PRUNE2: variants seen among roughly 807,000 people sequenced by gnomAD.
PRUNE2 encodes protein prune homolog 2.
Under a neutral mutation model 252.0 loss-of-function variants are expected in PRUNE2, and 164 were observed. That is an observed-to-expected ratio of 0.65 (90% CI 0.57 to 0.74). The LOEUF (loss-of-function observed/expected upper bound fraction) is 0.74, where lower values mean the gene tolerates loss of function less well. Among genes scored for constraint, PRUNE2 ranks in the 30% least tolerant of loss-of-function variants. The pLI is 0.00. For missense variants in PRUNE2, 3,495 were observed against 3,711.0 expected (o/e 0.94, Z 1.51); for synonymous variants, 1,292 against 1,350.2 (o/e 0.96, Z 0.94).
chr9:76,710,813 G>A lies in PRUNE2; in HGVS notation c.1461C>T (p.His487=), dbSNP rs746279307. 4.4e-5 allele frequency: 69 copies of A among 1,570,826 alleles called. No individual in the cohort carries two copies. The highest frequency in any genetic ancestry group is 9.8e-5 in the South Asian group (8 of 81,870). Residue 487 remains histidine, a synonymous_variant, in exon 8 of 19, where the codon CAC becomes CAT. Transcript: ENST00000376718. The stretch of plus-strand genomic sequence containing the variant: ...AATTGAAGAGGTCGAAGTGCTCACC[G>A]TGTTCTCCAGACCATGCATGTTCCT... ...VAEEHAWSGE[H]GEHFDLFNFD... is the part of the protein sequence containing the mutation.
chr9:76,831,932 T>A (rs1275188907), intron 4 of PRUNE2, among the ~76,000 whole-genome samples: 1 of 152,054 alleles, frequency 6.6e-6, no homozygotes, highest in Non-Finnish European at 1.5e-5. Flanking sequence ...AACATAAACA[T>A]GCGAACACCA....
intron 1 of PRUNE2, among the ~76,000 whole-genome samples, chr9:76,868,070 C>T (rs183978329): frequency 3.2e-4 from 48 of 152,130 alleles, no homozygotes; most frequent in Non-Finnish European, 6.3e-4. Context: ...TCCTTTTTCC[C>T]GTAGACAGGA....
At chr9:76,846,835 C>A (rs529388889) in intron 3 of PRUNE2, among the ~76,000 whole-genome samples, 157 bp from the exon 4 acceptor site, 1 of 152,278 alleles carries the variant, frequency 6.6e-6, no homozygotes, top group African/African-American at 2.4e-5. Context: ...CCTTATTCTA[C>A]GTATTTTCAC....
intron 6 of PRUNE2, among the ~76,000 whole-genome samples, chr9:76,794,727 G>C (rs546791444): frequency 2.6e-5 from 4 of 151,918 alleles, no homozygotes; most frequent in Admixed American, 1.3e-4. Context: ...GTAGCTGTCC[G>C]ACCTCGAGCA....
At chr9:76,677,369 G>A (rs974321952) in intron 9 of PRUNE2, among the ~76,000 whole-genome samples, 2 of 152,026 alleles carry the variant, frequency 1.3e-5, no homozygotes, top group African/African-American at 2.4e-5. Flanking sequence ...CTCTGACTTC[G>A]AAAGCCTTTA....
chr9:76,707,205 T>C lies in PRUNE2; in HGVS notation c.5069A>G (p.Asp1690Gly). Reference sequence around the variant, plus strand: ...TATTGACTCTTCACCACCGACACTGTCATCATCAGAACCTGAGCTTGTTGA... The same window carrying C: ...TATTGACTCTTCACCACCGACACTGCCATCATCAGAACCTGAGCTTGTTGA... ...VISTSSGSDD[D>G]SVGGEESIEE... is the part of the protein sequence containing the mutation. The change falls in exon 8 of 19, where the codon GAC (aspartate) becomes GGC (glycine). Residue 1690 changes from aspartate to glycine, a missense_variant. By Grantham distance (94) the Asp-to-Gly change is moderately conservative. Coordinates refer to ENST00000376718, the MANE Select transcript of PRUNE2 (RefSeq NM_015225.3). 1.2e-6 allele frequency: 2 copies of C among 1,613,994 alleles called. No individual in the cohort carries two copies. Among genetic ancestry groups the C allele is most frequent in the Non-Finnish European group, 1.7e-6 (2 of 1,179,880 alleles).
chr9:76,614,119 T>A lies in PRUNE2; in HGVS notation c.*451A>T, dbSNP rs572467857. On this transcript the variant is annotated 3_prime_UTR_variant, in exon 19 of 19. Transcript: ENST00000376718. ...CTAGTCAGGCTTAGGATTTTAAAGG[T>A]GGAGTCAAACAGGGGAAACTTTCCT... is the stretch of plus-strand genomic sequence containing the variant. 1 of 158,732 alleles carries A rather than the reference T, an allele frequency of 6.3e-6. No individual in the cohort carries two copies. The highest frequency in any genetic ancestry group is 2.4e-5 in the African/African-American group (1 of 41,618). 9.8% of individuals were successfully genotyped at this position (158,732 alleles called of 1,614,324 possible). A position where few individuals can be genotyped will look rare whatever the true frequency, so the allele number is the denominator to read the frequency against.
At chr9:76,618,240 T>C (rs1830570902) in intron 18 of PRUNE2, among the ~76,000 whole-genome samples, 1 of 152,244 alleles carries the variant, frequency 6.6e-6, no homozygotes, top group South Asian at 2.1e-4. Flanking sequence ...CTCTGGAGTT[T>C]TTGTGCCTAA....
chr9:76,704,946 T>C lies in PRUNE2; in HGVS notation c.7328A>G (p.Gln2443Arg). 1 of 1,612,978 alleles carries C rather than the reference T, an allele frequency of 6.2e-7. No homozygotes were observed. The highest frequency in any genetic ancestry group is 8.5e-7 in the Non-Finnish European group (1 of 1,179,414). Residue 2443 changes from glutamine to arginine, a missense_variant, in exon 8 of 19, where the codon CAG (glutamine) becomes CGG (arginine). Coordinates refer to ENST00000376718, the MANE Select transcript of PRUNE2 (RefSeq NM_015225.3). Reference sequence around the variant, plus strand: ...AGGCAGTCTGTTTTTGGTCTCAGCCTGGTTTCCCTCACTTCTTCGATCAGG... The same window carrying C: ...AGGCAGTCTGTTTTTGGTCTCAGCCCGGTTTCCCTCACTTCTTCGATCAGG... Reference protein sequence around the residue: ...ALPDRRSEGNQAETKNRLPGS... With the variant: ...ALPDRRSEGNRAETKNRLPGS...
intron 9 of PRUNE2, among the ~76,000 whole-genome samples, chr9:76,695,632 A>T (rs1258498628): frequency 6.6e-6 from 1 of 152,228 alleles, no homozygotes; most frequent in African/African-American, 2.4e-5. Flanking sequence ...AAACTAGCAC[A>T]TCTCCCTTGG....
At chr9:76,780,448 G>A (rs2131181092) in intron 6 of PRUNE2, among the ~76,000 whole-genome samples, 1 of 152,278 alleles carries the variant, frequency 6.6e-6, no homozygotes, top group African/African-American at 2.4e-5. Flanking sequence ...AGCACTTTGG[G>A]AGGCCGAGGC....
intron 6 of PRUNE2, among the ~76,000 whole-genome samples, chr9:76,730,804 G>A (rs2048496026): frequency 1.3e-5 from 2 of 152,196 alleles, no homozygotes; most frequent in Admixed American, 1.3e-4. Context: ...TCGGGAGGCT[G>A]AGGCAGGAGA....
In PRUNE2 at chr9:76,702,423, C is replaced by T. The variant is rs144641780; in HGVS notation, c.8276+914G>A. ...TTTCCCCGTTACTTAAGTTACTTTTCACAATTTGTTCTTTTGTCCCTGGAA... is the reference window on the plus strand; with the variant it reads ...TTTCCCCGTTACTTAAGTTACTTTTTACAATTTGTTCTTTTGTCCCTGGAA... On this transcript the variant is annotated intron_variant, in intron 9 of 18. Transcript: ENST00000376718. Among the ~76,000 whole-genome samples, 33 of 152,270 alleles carry T rather than the reference C, an allele frequency of 2.2e-4. No individual in the cohort carries two copies. In the East Asian group the frequency reaches 3.3e-3, roughly 15 times the overall value.
chr9:76,647,340 A>AATGAATCT (rs779947739), intron 11 of PRUNE2, among the ~76,000 whole-genome samples: 61 of 152,342 alleles, frequency 4.0e-4, no homozygotes, highest in Non-Finnish European at 7.4e-4. Flanking sequence ...CCTGTAAAAT[A>AATGAATCT]ATGAATCTGG....
chr9:76,679,780 A>G (rs1292712706), intron 9 of PRUNE2, among the ~76,000 whole-genome samples: 1 of 152,252 alleles, frequency 6.6e-6, no homozygotes, highest in African/African-American at 2.4e-5. Context: ...AAATTATTCA[A>G]CAAATGATGC....
At chr9:76,747,561 G>A (rs1011013229) in intron 6 of PRUNE2, among the ~76,000 whole-genome samples, 2 of 152,194 alleles carry the variant, frequency 1.3e-5, no homozygotes, top group Non-Finnish European at 2.9e-5. Context: ...ATTCAAACTC[G>A]GTTCTGGTGG....
At chr9:76,743,648 C>T (rs1177881224) in intron 6 of PRUNE2, among the ~76,000 whole-genome samples, 1 of 152,168 alleles carries the variant, frequency 6.6e-6, no homozygotes, top group Non-Finnish European at 1.5e-5. Flanking sequence ...AAATATTGAT[C>T]TTATTTGACA....
At chr9:76,638,043 A>T (rs1379669989) in intron 13 of PRUNE2, 143 bp downstream of exon 13, 1 of 618,924 alleles carries the variant, frequency 1.6e-6, no homozygotes, top group Non-Finnish European at 2.9e-6. Flanking sequence ...CTTGAGCAAC[A>T]TTCCTTGACA....
chr9:76,892,700 CTG>C (rs1210957845), intron 1 of PRUNE2, among the ~76,000 whole-genome samples: 2 of 152,186 alleles, frequency 1.3e-5, no homozygotes, highest in Non-Finnish European at 2.9e-5. Flanking sequence ...GGAAGAAAGA[CTG>C]AGAAAACTAC....
Sources: allele counts gnomAD v4.1 joint callset (sites outside exome capture counted in the v4.1 genomes callset), GRCh38; gene constraint gnomAD v4.1.1; transcripts MANE v1.5; gene names NCBI Gene and HGNC (gene_info 2026-07-23, HGNC 2026-07-21).